The following ITPKB variants were observed in gnomAD, a reference collection of about 807,000 sequenced individuals.
The protein encoded by ITPKB is inositol-trisphosphate 3-kinase B, also known as IP3 3-kinase B.
A neutral mutation model predicts 69.4 loss-of-function variants in ITPKB; 13 were observed. The observed-to-expected ratio is 0.19, with a 90% CI of 0.12 to 0.30. The LOEUF (loss-of-function observed/expected upper bound fraction) is 0.30, where lower values mean the gene tolerates loss of function less well. Ranked by LOEUF, ITPKB falls within the 10% of genes least tolerant of loss-of-function variation. The pLI is 1.00. For synonymous variants in ITPKB, 584 were observed against 513.7 expected, an observed-to-expected ratio of 1.14 and a Z score of -1.85; for missense variants, 1,240 against 1,250.5, an observed-to-expected ratio of 0.99 and a Z score of 0.13.
chr1:226,653,805 G>A (rs559986828), intron 2 of ITPKB, among the ~76,000 whole-genome samples: 4 of 152,290 alleles, frequency 2.6e-5, no homozygotes, highest in South Asian at 2.1e-4. Context: ...GGTAACCCCC[G>A]GCCTCACAGG....
intron 2 of ITPKB, among the ~76,000 whole-genome samples, chr1:226,654,423 G>T (rs1669249902): frequency 6.6e-6 from 1 of 152,190 alleles, no homozygotes; most frequent in Non-Finnish European, 1.5e-5. Flanking sequence ...CTCAGGGCAT[G>T]CCACATTTTG....
At chr1:226,678,465 T>C (rs528114857) in intron 2 of ITPKB, among the ~76,000 whole-genome samples, 1 of 152,314 alleles carries the variant, frequency 6.6e-6, no homozygotes, top group Non-Finnish European at 1.5e-5. Flanking sequence ...GCAGGCTGAT[T>C]AGTCTAGTCT....
chr1:226,660,802 G>A lies in ITPKB; in HGVS notation c.1933-12031C>T, dbSNP rs370353948. 8.5e-5 allele frequency among the ~76,000 whole-genome samples: 13 copies of A among 152,280 alleles called. No individual in the cohort carries two copies. In the East Asian group the frequency reaches 1.5e-3, roughly 18 times the overall value. On this transcript the variant is annotated intron_variant, in intron 2 of 7. Coordinates refer to ENST00000429204, the MANE Select transcript of ITPKB (RefSeq NM_002221.4). ...GCACGAGGCGGATGGGCAGCCTTTCGAGGCTGACTTCCTAATGGATAAAGC... is the reference window on the plus strand; with the variant it reads ...GCACGAGGCGGATGGGCAGCCTTTCAAGGCTGACTTCCTAATGGATAAAGC...
At chr1:226,705,414 A>T (rs1278128024) in intron 2 of ITPKB, among the ~76,000 whole-genome samples, 4 of 152,050 alleles carry the variant, frequency 2.6e-5, no homozygotes, top group Non-Finnish European at 4.4e-5. Flanking sequence ...CTGTAAACCC[A>T]GCTACTCGGG....
chr1:226,683,631 G>T (rs965719593), intron 2 of ITPKB, among the ~76,000 whole-genome samples: 1 of 152,094 alleles, frequency 6.6e-6, no homozygotes, highest in South Asian at 2.1e-4. Flanking sequence ...GAAGGGGAGT[G>T]TAGACATGCA....
At chr1:226,691,238 A>T (rs925654769) in intron 2 of ITPKB, among the ~76,000 whole-genome samples, 6 of 137,574 alleles carry the variant, frequency 4.4e-5, no homozygotes, top group South Asian at 2.2e-4. Context: ...TGCCACATTT[A>T]AAAAAAAAAA....
chr1:226,654,420 CA>C (rs1669249777), intron 2 of ITPKB, among the ~76,000 whole-genome samples: 1 of 152,200 alleles, frequency 6.6e-6, no homozygotes, highest in Non-Finnish European at 1.5e-5. Flanking sequence ...AAGCTCAGGG[CA>C]TGCCACATTT....
At chr1:226,677,116 G>C (rs1031188871) in intron 2 of ITPKB, among the ~76,000 whole-genome samples, 8 of 152,266 alleles carry the variant, frequency 5.3e-5, no homozygotes, top group Middle Eastern at 3.4e-3. Context: ...GAGGCCAAAG[G>C]CATCCCCATC....
intron 2 of ITPKB, among the ~76,000 whole-genome samples, chr1:226,670,490 A>G (rs1331885922): frequency 6.6e-6 from 1 of 152,232 alleles, no homozygotes; most frequent in Non-Finnish European, 1.5e-5. Context: ...TTCCAACAAC[A>G]GAGGATGATT....
At chr1:226,649,516 TGTGTGTGATGTGTGCATGTGTGTGCATGC>T (rs1669141066) in intron 2 of ITPKB, among the ~76,000 whole-genome samples, 1 of 148,002 alleles carries the variant, frequency 6.8e-6, no homozygotes, top group Non-Finnish European at 1.5e-5. Context: ...GATATGTGCA[TGTGTGTGATGTGTGCATGTGTGTGCATGC>T]GTGTGTGATA....
chr1:226,707,568 T>A, intron 2 of ITPKB: 4 of 985,930 alleles, frequency 4.1e-6, no homozygotes, highest in Non-Finnish European at 4.8e-6. Flanking sequence ...GACAGCTTAC[T>A]ATATAAAATG....
At chr1:226,675,877 T>C (rs1306333336) in intron 2 of ITPKB, among the ~76,000 whole-genome samples, 1 of 151,422 alleles carries the variant, frequency 6.6e-6, no homozygotes, top group East Asian at 2.0e-4. Context: ...ACCTGTGCAC[T>C]TCCTCAACCC....
intron 2 of ITPKB, among the ~76,000 whole-genome samples, chr1:226,692,739 G>A (rs1490038983): frequency 6.6e-6 from 1 of 152,150 alleles, no homozygotes; most frequent in East Asian, 1.9e-4. Flanking sequence ...AGCATGTCAC[G>A]CAGGGGATTT....
chr1:226,670,117 G>A (rs1351843140), intron 2 of ITPKB, among the ~76,000 whole-genome samples: 3 of 126,118 alleles, frequency 2.4e-5, no homozygotes, highest in Non-Finnish European at 4.7e-5. Flanking sequence ...CAAGTGATCC[G>A]CCTGCCTCGC....
chr1:226,684,856 G>A (rs1393006983), intron 2 of ITPKB, among the ~76,000 whole-genome samples: 2 of 152,168 alleles, frequency 1.3e-5, no homozygotes, highest in African/African-American at 4.8e-5. Context: ...GATCTGCCAA[G>A]GCCACTGAGC....
Position 226,738,472 on chromosome 1 carries a change from G to C in ITPKB, c.-206+569C>G, listed in dbSNP as rs764622567. Among the ~76,000 whole-genome samples, 1 of 152,202 alleles carries C rather than the reference G, an allele frequency of 6.6e-6. No homozygotes were observed. Among genetic ancestry groups the C allele is most frequent in the Admixed American group, 6.5e-5 (1 of 15,270 alleles). The stretch of plus-strand genomic sequence containing the variant: ...TATGGGGGGGTGTCTGTGAGTGTGT[G>C]TGTATACACGCGTGTGTGTATACGC... On this transcript the variant is annotated intron_variant, in intron 1 of 7. Transcript: ENST00000429204. The surrounding 1 kb of genome is among the most constrained non-coding windows in gnomAD (Gnocchi z 4.2).
At position 226,637,229 on chromosome 1, in the gene ITPKB, C is replaced by T. The variant is rs937963817; in HGVS notation, c.2625+450G>A. Reference sequence around the variant, plus strand: ...GCTGCCTGCTGCCCCTGCCAACCAACGTATGCAAAGTTGGGAGATTCCAGC... The same window carrying T: ...GCTGCCTGCTGCCCCTGCCAACCAATGTATGCAAAGTTGGGAGATTCCAGC... On this transcript the variant is annotated intron_variant, in intron 7 of 7. Transcript: ENST00000429204. The surrounding 1 kb of genome is among the most constrained non-coding windows in gnomAD (Gnocchi z 4.3). Among the ~76,000 whole-genome samples, 3 of 152,202 alleles carry T rather than the reference C, an allele frequency of 2.0e-5. No homozygotes were observed. The highest frequency in any genetic ancestry group is 6.5e-5 in the Admixed American group (1 of 15,290).
chr1:226,737,698 G>A (rs1657843168), intron 1 of ITPKB, 35 bp from the exon 2 acceptor site: 1 of 745,706 alleles, frequency 1.3e-6, no homozygotes, highest in Non-Finnish European at 1.7e-6. Flanking sequence ...CAGGACCCTG[G>A]AGGGCGCGCG....
At chr1:226,665,035 A>C (rs1397305876) in intron 2 of ITPKB, among the ~76,000 whole-genome samples, 1 of 152,266 alleles carries the variant, frequency 6.6e-6, no homozygotes, top group East Asian at 1.9e-4. Flanking sequence ...AGAGGCCAGC[A>C]GACTCACCTT....
Sources: gnomAD v4.1 joint callset for allele counts (sites outside exome capture counted in the v4.1 genomes callset) on GRCh38, gnomAD v4.1.1 for gene constraint, Gnocchi (gnomAD v3.1) non-coding constraint, MANE v1.5 for transcripts, NCBI Gene and HGNC (gene_info 2026-07-23, HGNC 2026-07-21) for gene names.